The following RHBDD1 variants were observed in gnomAD, a reference collection of about 807,000 sequenced individuals.
RHBDD1 encodes rhomboid-related protein 4.
A neutral mutation model predicts 36.3 loss-of-function variants in RHBDD1; 38 were observed. The observed-to-expected ratio is 1.05, with a 90% confidence interval of 0.81 to 1.37. The LOEUF is 1.37. Ranked by LOEUF, RHBDD1 falls within the 40% of genes most tolerant of loss-of-function variation. RHBDD1 has a pLI of 0.00. For synonymous variants in RHBDD1, 151 were observed against 136.5 expected (o/e 1.11, Z -0.74); for missense variants, 393 against 377.6 (o/e 1.04, Z -0.34).
In RHBDD1 at chr2:226,982,923, TGTTTTTCAGGATAGCTGG is replaced by T. The variant is rs563056061; in HGVS notation, c.857-12504_857-12487del. Among the ~76,000 whole-genome samples the T allele has an allele frequency of 3.5e-3, 531 of 152,340 alleles. 6 individuals are homozygous for T. The highest frequency in any genetic ancestry group is 3.9e-3 in the Non-Finnish European group (266 of 68,030). On this transcript the variant is annotated intron_variant, in intron 8 of 8. Transcript: ENST00000392062. ...TTTTAACTAACGATTGTATTTGTTG[TGTTTTTCAGGATAGCTGG>T]GTTGCACTTTTATCTTTTAAAATCT... is the stretch of plus-strand genomic sequence containing the variant.
the RHBDD1 span, among the ~76,000 whole-genome samples, chr2:226,809,904 A>G: frequency 6.6e-6 from 1 of 152,244 alleles, no homozygotes; most frequent in Admixed American, 6.5e-5. Context: ...AATGTGAAAT[A>G]AAATCTTATG....
the RHBDD1 span, among the ~76,000 whole-genome samples, chr2:226,829,571 AT>A: frequency 6.6e-6 from 1 of 152,080 alleles, no homozygotes; most frequent in African/African-American, 2.4e-5. Context: ...TCTTTTATTA[AT>A]TTGATTCTAA....
chr2:226,892,228 A>G (rs542237710), intron 5 of RHBDD1, among the ~76,000 whole-genome samples: 1 of 152,360 alleles, frequency 6.6e-6, no homozygotes, highest in South Asian at 2.1e-4. Context: ...AAGCTGCTAC[A>G]GAGTAGTATG....
At chr2:226,813,017 G>T in the RHBDD1 span, among the ~76,000 whole-genome samples, 1 of 152,196 alleles carries the variant, frequency 6.6e-6, no homozygotes, top group Non-Finnish European at 1.5e-5. Context: ...AGCTTAAAGA[G>T]TAATGATGCC....
chr2:226,943,343 C>T (rs1950781917), intron 8 of RHBDD1, among the ~76,000 whole-genome samples: 1 of 152,126 alleles, frequency 6.6e-6, no homozygotes, highest in African/African-American at 2.4e-5. Context: ...TGCAGATGGC[C>T]TGAGTGTGCA....
intron 5 of RHBDD1, among the ~76,000 whole-genome samples, chr2:226,895,986 TA>T (rs1947067793): frequency 6.6e-6 from 1 of 152,252 alleles, no homozygotes. Context: ...TATCTATTAA[TA>T]TTTTTTATGT....
intron 5 of RHBDD1, among the ~76,000 whole-genome samples, chr2:226,905,091 T>G (rs1170668846): frequency 6.6e-6 from 1 of 152,128 alleles, no homozygotes; most frequent in Non-Finnish European, 1.5e-5. Context: ...TTTCATAACT[T>G]TCAGTTTCCC....
intron 5 of RHBDD1, among the ~76,000 whole-genome samples, chr2:226,897,872 G>A (rs907144701): frequency 2.0e-5 from 3 of 152,096 alleles, no homozygotes; most frequent in Non-Finnish European, 2.9e-5. Flanking sequence ...TCAGTTACTC[G>A]GGAGGCTGAG....
chr2:226,877,171 C>T (rs912161497), intron 5 of RHBDD1, among the ~76,000 whole-genome samples: 17 of 152,282 alleles, frequency 1.1e-4, no homozygotes, highest in African/African-American at 4.1e-4. Flanking sequence ...AACCTGAAAC[C>T]ATATCAGTGA....
intron 8 of RHBDD1, among the ~76,000 whole-genome samples, chr2:226,960,027 A>G (rs1952069415): frequency 6.6e-6 from 1 of 152,086 alleles, no homozygotes; most frequent in African/African-American, 2.4e-5. Context: ...GTTTTACCGT[A>G]TTAGCCAGAA....
chr2:226,955,098 C>G (rs1443001299), intron 8 of RHBDD1, among the ~76,000 whole-genome samples: 3 of 152,008 alleles, frequency 2.0e-5, no homozygotes, highest in African/African-American at 7.2e-5. Context: ...CTTGAGGGCT[C>G]AGGGAGGGTC....
rs542792081 is a variant in RHBDD1 at position 226,868,689 on chromosome 2, G to C, written c.566+1371G>C. On this transcript the variant is annotated intron_variant, in intron 5 of 8. Coordinates refer to ENST00000392062, the MANE Select transcript of RHBDD1 (RefSeq NM_001167608.3). ...TTACCTTATTTGAGAGTATTCTCATGGGGCTGTGTGTCAGCCCGGTAACTC... is the reference window on the plus strand; with the variant it reads ...TTACCTTATTTGAGAGTATTCTCATCGGGCTGTGTGTCAGCCCGGTAACTC... Among the ~76,000 whole-genome samples the C allele has an allele frequency of 9.9e-5, 15 of 152,238 alleles. No homozygotes were observed. In the South Asian group the frequency reaches 3.1e-3, roughly 32 times the overall value.
At chr2:226,863,256 T>G (rs948777262) in intron 3 of RHBDD1, among the ~76,000 whole-genome samples, 14 of 152,092 alleles carry the variant, frequency 9.2e-5, no homozygotes, top group African/African-American at 3.4e-4. Context: ...TAAGAATCAT[T>G]TGCACCCAGG....
At chr2:226,900,769 G>GGTGTATAAT (rs966395068) in intron 5 of RHBDD1, among the ~76,000 whole-genome samples, 25 of 152,062 alleles carry the variant, frequency 1.6e-4, no homozygotes, top group Admixed American at 6.5e-5. Flanking sequence ...ATATGTTTAA[G>GGTGTATAAT]GTGTATAATG....
At chr2:226,844,207 G>A (rs942388130) in intron 3 of RHBDD1, among the ~76,000 whole-genome samples, 2 of 152,190 alleles carry the variant, frequency 1.3e-5, no homozygotes, top group African/African-American at 4.8e-5. Context: ...CAGGGAAATA[G>A]TTATTATTCC....
intron 3 of RHBDD1, among the ~76,000 whole-genome samples, chr2:226,860,230 G>T (rs369564172): frequency 6.6e-6 from 1 of 152,154 alleles, no homozygotes; most frequent in African/African-American, 2.4e-5. Context: ...TGTTGAGTCT[G>T]GTGGGGAGGG....
rs557702461 is a variant in RHBDD1 at position 226,932,596 on chromosome 2, C to T, written c.856+18245C>T. 1.2e-4 allele frequency among the ~76,000 whole-genome samples: 18 copies of T among 152,080 alleles called. No individual in the cohort carries two copies. The East Asian group carries it at 2.7e-3, about 23-fold the overall frequency. ...CAGGTCCTCGTTTTGTGCTGTGACT[C>T]GGATAGGTTCTCCTTCCACTCCCTT... On this transcript the variant is annotated intron_variant, in intron 8 of 8. Coordinates refer to ENST00000392062, the MANE Select transcript of RHBDD1 (RefSeq NM_001167608.3).
At chr2:226,876,840 A>G (rs1331989668) in intron 5 of RHBDD1, among the ~76,000 whole-genome samples, 2 of 152,276 alleles carry the variant, frequency 1.3e-5, no homozygotes, top group African/African-American at 4.8e-5. Flanking sequence ...CATTTTAAAT[A>G]TCAGTAAGCA....
In RHBDD1 at chr2:226,908,652, C is replaced by CT. The variant is rs1236880799; in HGVS notation, c.656-166dup. On this transcript the variant is annotated intron_variant, in intron 6 of 8. Transcript: ENST00000392062. ...TTCCCTGTAGGGACACACACACACTCTTTTCCAGTTAGGGCTGGCCCCCAA... is the reference window on the plus strand; with the variant it reads ...TTCCCTGTAGGGACACACACACACTCTTTTTCCAGTTAGGGCTGGCCCCCAA... 3 of 622,326 alleles carry CT rather than the reference C, an allele frequency of 4.8e-6. No individual in the cohort carries two copies. The Admixed American group carries it at 8.3e-5, about 17-fold the overall frequency. The allele number at this position is 622,326 out of a possible 1,614,324, so 38.6% of individuals were successfully genotyped here. A position where few individuals can be genotyped will look rare whatever the true frequency, so the allele number is the denominator to read the frequency against.
Sources: allele counts gnomAD v4.1 joint callset (sites outside exome capture counted in the v4.1 genomes callset), GRCh38; gene constraint gnomAD v4.1.1; transcripts MANE v1.5; gene names NCBI Gene and HGNC (gene_info 2026-07-23, HGNC 2026-07-21).